Variants in OMA1 observed in about 807,000 individuals in gnomAD.
OMA1 encodes the protein metalloendopeptidase OMA1, mitochondrial.
In OMA1, 38 loss-of-function variants were observed where a neutral mutation model predicts 30.9. That is an observed-to-expected ratio of 1.23 (90% CI 0.95 to 1.61). The LOEUF (loss-of-function observed/expected upper bound fraction) is 1.61. Ranked by LOEUF, OMA1 falls within the 40% of genes most tolerant of loss-of-function variation. The pLI is 0.00. For missense variants in OMA1, 461 were observed against 349.2 expected (o/e 1.32, Z -2.55); for synonymous variants, 173 against 121.9 (o/e 1.42, Z -2.76).
chr1:58,538,688 TAC>T lies in OMA1; in HGVS notation c.500+105_500+106del, dbSNP rs1646556534. 3 of 558,662 alleles carry T rather than the reference TAC, an allele frequency of 5.4e-6. No individual in the cohort carries two copies. The South Asian group carries it at 9.8e-5, about 18-fold the overall frequency. 34.6% of individuals were successfully genotyped at this position (558,662 alleles called of 1,614,324 possible). On this transcript the variant is annotated intron_variant, in intron 2 of 8. Transcript: ENST00000371226. ...GGATCTGGCAAGGTTTCTTTAAAAG[TAC>T]AGTTTTATAAATAAAAAAATTAATT...
At chr1:58,511,300 A>G (rs1646073018) in intron 7 of OMA1, among the ~76,000 whole-genome samples, 4 of 152,192 alleles carry the variant, frequency 2.6e-5, no homozygotes, top group Admixed American at 2.6e-4. Flanking sequence ...AACAGAAGAG[A>G]GAGCCCAAAA....
At chr1:58,537,749 T>C (rs1646539846) in intron 2 of OMA1, among the ~76,000 whole-genome samples, 1 of 152,230 alleles carries the variant, frequency 6.6e-6, no homozygotes, top group Non-Finnish European at 1.5e-5. Flanking sequence ...ACAAAGTGTG[T>C]CCATTTAAAG....
intron 8 of OMA1, among the ~76,000 whole-genome samples, chr1:58,489,214 G>A (rs548889643): frequency 5.9e-4 from 90 of 152,284 alleles, no homozygotes; most frequent in African/African-American, 1.8e-3. Context: ...GGTAACAGAC[G>A]GCACCTGGAA....
chr1:58,546,233 G>C (rs1646701840), intron 1 of OMA1, among the ~76,000 whole-genome samples: 1 of 152,260 alleles, frequency 6.6e-6, no homozygotes, highest in Admixed American at 6.5e-5. Context: ...TCCTGAAGAG[G>C]GAAGGGGTGA....
intron 8 of OMA1, among the ~76,000 whole-genome samples, chr1:58,485,116 A>T (rs1645552879): frequency 1.3e-5 from 2 of 149,534 alleles, no homozygotes; most frequent in Admixed American, 1.3e-4. Context: ...TGGGATTTTG[A>T]TGGTATGGGA....
chr1:58,484,650 A>C (rs963736043), intron 8 of OMA1, among the ~76,000 whole-genome samples: 10 of 152,202 alleles, frequency 6.6e-5, no homozygotes, highest in African/African-American at 2.4e-4. Context: ...TATTTGCTAA[A>C]ACTTGGAAAT....
rs1028925132 is a variant in OMA1 at position 58,496,522 on chromosome 1, T to A, written c.1365+9538A>T. ...GGTTTTGTTTTTCGTATTTCTGCTC[T>A]TTAAAGCTTATCTCACTGGGGAACA... On this transcript the variant is annotated intron_variant, in intron 8 of 8. Coordinates refer to ENST00000371226, the MANE Select transcript of OMA1 (RefSeq NM_145243.5). Among the ~76,000 whole-genome samples the A allele has an allele frequency of 2.6e-5, 4 of 152,194 alleles. 1 individual carries two copies. The highest frequency in any genetic ancestry group is 9.6e-5 in the African/African-American group (4 of 41,458).
chr1:58,518,286 A>G (rs1443208349), intron 7 of OMA1, among the ~76,000 whole-genome samples: 160 of 13,752 alleles, frequency 0.012, 31 homozygotes, highest in African/African-American at 0.024. Context: ...AGGAGAAGAG[A>G]AGAGAAGAGA....
At chr1:58,545,506 T>C (rs3813996) in intron 1 of OMA1, among the ~76,000 whole-genome samples, 95,943 of 151,198 alleles carry the variant, frequency 0.63, 32,161 homozygotes, top group East Asian at 0.84. Flanking sequence ...ACAGAGCACA[T>C]AAGAAAAAAA....
rs1381360448 is a variant in OMA1, at chr1:58,506,213, A to ATT, written c.1216-5_1216-4insAA. The ATT allele has an allele frequency of 1.2e-6, 1 of 863,048 alleles. No homozygotes were observed. The highest frequency in any genetic ancestry group is 1.7e-5 in the Admixed American group (1 of 58,954). The allele number at this position is 863,048 out of a possible 1,614,324, so 53.5% of individuals were successfully genotyped here. ...TGGCTCTTATGTCTGCACAAGCCTA[A>ATT]AACCAAAATTAGTAAAACCACACAA... On this transcript the variant is annotated splice_region_variant and splice_polypyrimidine_tract_variant and intron_variant, in intron 7 of 8. Coordinates refer to ENST00000371226, the MANE Select transcript of OMA1 (RefSeq NM_145243.5).
intron 7 of OMA1, among the ~76,000 whole-genome samples, chr1:58,516,454 G>A (rs1380957615): frequency 6.6e-6 from 1 of 152,130 alleles, no homozygotes; most frequent in Non-Finnish European, 1.5e-5. Context: ...TGAACAGCTT[G>A]TTATTCTATG....
At chr1:58,518,353 G>GA (rs1486522313) in intron 7 of OMA1, among the ~76,000 whole-genome samples, 518 of 45,096 alleles carry the variant, frequency 0.011, 17 homozygotes, top group Non-Finnish European at 0.021. Flanking sequence ...GAGAAGAGAA[G>GA]GGAAGGGAAG....
intron 7 of OMA1, among the ~76,000 whole-genome samples, chr1:58,509,674 AAC>A (rs934720746): frequency 2.6e-5 from 4 of 151,672 alleles, no homozygotes; most frequent in African/African-American, 9.7e-5. Flanking sequence ...AAATAAAGAA[AAC>A]AGAGAATAAA....
chr1:58,485,834 TAAAC>T (rs1352154945), intron 8 of OMA1, among the ~76,000 whole-genome samples: 2 of 152,188 alleles, frequency 1.3e-5, no homozygotes, highest in Non-Finnish European at 2.9e-5. Context: ...TGCTAAATTT[TAAAC>T]AAACATTTAT....
chr1:58,515,467 G>T (rs34949405), intron 7 of OMA1, among the ~76,000 whole-genome samples: 7 of 151,848 alleles, frequency 4.6e-5, no homozygotes, highest in Non-Finnish European at 1.0e-4. Flanking sequence ...CTCTATCTTA[G>T]GTAAAGTTTT....
intron 7 of OMA1, among the ~76,000 whole-genome samples, chr1:58,506,567 A>G (rs1645993856): frequency 6.6e-6 from 1 of 152,200 alleles, no homozygotes; most frequent in South Asian, 2.1e-4. Flanking sequence ...CTTCCCATAT[A>G]CAACATTCAC....
chr1:58,493,534 A>G (rs1211247913), intron 8 of OMA1, among the ~76,000 whole-genome samples: 2 of 151,510 alleles, frequency 1.3e-5, no homozygotes, highest in Non-Finnish European at 2.9e-5. Context: ...TCTCAGCCCA[A>G]AATCTCCTTA....
chr1:58,512,932 G>C (rs537247140), intron 7 of OMA1, among the ~76,000 whole-genome samples: 41 of 152,210 alleles, frequency 2.7e-4, no homozygotes, highest in Admixed American at 6.5e-4. Flanking sequence ...AGTAACGATA[G>C]ACCAAAATAA....
intron 8 of OMA1, among the ~76,000 whole-genome samples, chr1:58,495,370 G>C (rs1351859001): frequency 6.6e-6 from 1 of 152,024 alleles, no homozygotes; most frequent in Non-Finnish European, 1.5e-5. Flanking sequence ...GTATATATAT[G>C]TAACACACCT....
Sources: gnomAD v4.1 joint callset for allele counts (sites outside exome capture counted in the v4.1 genomes callset) on GRCh38, gnomAD v4.1.1 for gene constraint, MANE v1.5 for transcripts, NCBI Gene and HGNC (gene_info 2026-07-23, HGNC 2026-07-21) for gene names.